Variants in MALRD1 observed in about 807,000 individuals in gnomAD.
The protein encoded by MALRD1 is MAM and LDL receptor class A domain containing 1, also known as MAM and LDL-receptor class A domain-containing protein 1.
In MALRD1, 247 loss-of-function variants were observed where a neutral mutation model predicts 242.1. The observed-to-expected ratio is 1.02, with a 90% CI of 0.92 to 1.13. MALRD1 has a LOEUF of 1.13. Ranked by LOEUF, MALRD1 falls within the 50% of genes most tolerant of loss-of-function variation. The pLI is 0.00. For missense variants in MALRD1, 2,989 were observed against 2,533.1 expected (o/e 1.18, Z -3.86); for synonymous variants, 995 against 866.6 (o/e 1.15, Z -2.60).
In MALRD1 at chr10:19,683,696, G is replaced by C. The variant is rs190381780; in HGVS notation, c.6138-8586G>C. ...AAATTTATTATGTTATGAGAGTGTTGCTCTCATAACAGATAAAAATTGTAA... is the reference window on the plus strand; with the variant it reads ...AAATTTATTATGTTATGAGAGTGTTCCTCTCATAACAGATAAAAATTGTAA... On this transcript the variant is annotated intron_variant, in intron 36 of 39. Transcript: ENST00000454679. Among the ~76,000 whole-genome samples the C allele has an allele frequency of 7.3e-4, 111 of 151,796 alleles. 1 individual carries two copies. The highest frequency in any genetic ancestry group is 2.5e-3 in the African/African-American group (105 of 41,476).
At chr10:19,547,335 G>T (rs572305325) in intron 32 of MALRD1, among the ~76,000 whole-genome samples, 94 of 151,978 alleles carry the variant, frequency 6.2e-4, no homozygotes, top group Non-Finnish European at 1.2e-3. Context: ...AACCAAGTGA[G>T]GTGGAAGAAC....
intron 33 of MALRD1, among the ~76,000 whole-genome samples, chr10:19,589,644 C>G (rs148796698): frequency 6.6e-5 from 10 of 152,222 alleles, no homozygotes; most frequent in African/African-American, 1.4e-4. Flanking sequence ...AAGAAACAAA[C>G]AACCCTAAGA....
At chr10:19,478,833 G>C (rs902853007) in intron 29 of MALRD1, among the ~76,000 whole-genome samples, 4 of 152,172 alleles carry the variant, frequency 2.6e-5, no homozygotes, top group Non-Finnish European at 4.4e-5. Flanking sequence ...CTTGGGCAAT[G>C]ACAATAATTA....
At chr10:19,371,186 C>T (rs1289893397) in intron 26 of MALRD1, among the ~76,000 whole-genome samples, 1 of 151,706 alleles carries the variant, frequency 6.6e-6, no homozygotes, top group African/African-American at 2.4e-5. Flanking sequence ...GAGTTGGAGG[C>T]TGCAGGGAGC....
chr10:19,697,247 CAAGT>C (rs1158841515), intron 38 of MALRD1, among the ~76,000 whole-genome samples: 1 of 152,046 alleles, frequency 6.6e-6, no homozygotes, highest in East Asian at 1.9e-4. Context: ...ACTAGAAATC[CAAGT>C]AAGAGTTGAT....
At chr10:19,232,531 T>G (rs1428375033) in intron 18 of MALRD1, among the ~76,000 whole-genome samples, 2 of 152,198 alleles carry the variant, frequency 1.3e-5, no homozygotes, top group African/African-American at 2.4e-5. Flanking sequence ...AAAAGTCTCC[T>G]TGGACTCAAA....
chr10:19,095,833 CA>C (rs1182283473), intron 4 of MALRD1, among the ~76,000 whole-genome samples: 1 of 152,146 alleles, frequency 6.6e-6, no homozygotes, highest in African/African-American at 2.4e-5. Flanking sequence ...ACAACGACAA[CA>C]AAAGCAACAA....
chr10:19,142,749 A>G (rs1484409363), intron 10 of MALRD1, among the ~76,000 whole-genome samples: 1 of 152,248 alleles, frequency 6.6e-6, no homozygotes. Flanking sequence ...GCAAATGTTT[A>G]CATTTAACAC....
rs77352060 is a variant in MALRD1 at position 19,712,302 on chromosome 10, G to T, written c.6315-18404G>T. On this transcript the variant is annotated intron_variant, in intron 38 of 39. Transcript: ENST00000454679. Reference sequence around the variant, plus strand: ...TCCTAATTGTATCTTTGTATGCCTAGAATTTGTTTTTAAATAGGTTATTTT... The same window carrying T: ...TCCTAATTGTATCTTTGTATGCCTATAATTTGTTTTTAAATAGGTTATTTT... Among the ~76,000 whole-genome samples the T allele has an allele frequency of 2.4e-3, 369 of 152,218 alleles. 10 individuals are homozygous for T. In the East Asian group the frequency reaches 0.052, roughly 21 times the overall value.
intron 4 of MALRD1, among the ~76,000 whole-genome samples, chr10:19,097,890 A>T (rs1176315639): frequency 6.6e-6 from 1 of 152,212 alleles, no homozygotes; most frequent in Non-Finnish European, 1.5e-5. Context: ...AGCAGAGCAC[A>T]TCTCCCCATG....
chr10:19,268,325 A>G (rs964467928), intron 19 of MALRD1, among the ~76,000 whole-genome samples: 11 of 152,164 alleles, frequency 7.2e-5, no homozygotes, highest in Admixed American at 3.9e-4. Context: ...AAGAATAGCT[A>G]TGCTTTCATA....
intron 14 of MALRD1, among the ~76,000 whole-genome samples, chr10:19,175,943 A>G (rs1284973857): frequency 1.3e-5 from 2 of 152,164 alleles, no homozygotes; most frequent in African/African-American, 2.4e-5. Flanking sequence ...ATGTATTTTA[A>G]AACCTAATCA....
intron 28 of MALRD1, among the ~76,000 whole-genome samples, chr10:19,398,643 A>G (rs1381317660): frequency 1.3e-5 from 2 of 152,200 alleles, no homozygotes; most frequent in Non-Finnish European, 2.9e-5. Context: ...TCCTCCATCC[A>G]TGTTATAACT....
intron 25 of MALRD1, 45 bp from the exon 26 acceptor site, chr10:19,351,961 T>G: frequency 2.1e-6 from 3 of 1,404,386 alleles, no homozygotes; most frequent in South Asian, 1.4e-5. Flanking sequence ...ATCATATTAA[T>G]TATACTAATC....
At chr10:19,566,565 C>G (rs188549018) in intron 32 of MALRD1, among the ~76,000 whole-genome samples, 31 of 151,162 alleles carry the variant, frequency 2.1e-4, no homozygotes, top group African/African-American at 7.3e-4. Context: ...AAATTAATAT[C>G]CATGTGTTTT....
At chr10:19,456,217 T>C (rs1331586458) in intron 29 of MALRD1, among the ~76,000 whole-genome samples, 1 of 151,956 alleles carries the variant, frequency 6.6e-6, no homozygotes. Context: ...ATCTTAATTA[T>C]GAAAAGAAAA....
At chr10:19,282,538 G>A (rs1564527048) in intron 20 of MALRD1, among the ~76,000 whole-genome samples, 2 of 152,090 alleles carry the variant, frequency 1.3e-5, no homozygotes, top group Non-Finnish European at 2.9e-5. Context: ...GTAATTTCCT[G>A]TGATATTAGA....
chr10:19,335,702 G>C (rs7101338), intron 24 of MALRD1, among the ~76,000 whole-genome samples: 83,730 of 151,864 alleles, frequency 0.55, 23,276 homozygotes, highest in Middle Eastern at 0.58. Context: ...CTCTGAGAAG[G>C]CTTTGAAAAT....
At chr10:19,729,592 CGT>C (rs113756414) in intron 38 of MALRD1, among the ~76,000 whole-genome samples, 2,823 of 144,154 alleles carry the variant, frequency 0.02, 75 homozygotes, top group African/African-American at 0.056. Context: ...AGGATCCTTT[CGT>C]GTGTGTGTGT....
Sources: allele counts gnomAD v4.1 joint callset (sites outside exome capture counted in the v4.1 genomes callset), GRCh38; gene constraint gnomAD v4.1.1; transcripts MANE v1.5; gene names NCBI Gene and HGNC (gene_info 2026-07-23, HGNC 2026-07-21).